GRM5: variants seen among roughly 807,000 people sequenced by gnomAD.
GRM5 encodes the protein glutamate metabotropic receptor 5.
A neutral mutation model predicts 83.1 loss-of-function variants in GRM5; 19 were observed. That is an observed-to-expected ratio of 0.23 (90% CI 0.16 to 0.34). GRM5 has a LOEUF of 0.34. GRM5 is among the 10% of genes least tolerant of loss of function. GRM5 has a pLI of 1.00. For missense variants in GRM5, 1,160 were observed against 1,588.3 expected, an observed-to-expected ratio of 0.73 and a Z score of 4.58; for synonymous variants, 675 against 633.6, an observed-to-expected ratio of 1.07 and a Z score of -0.98.
intron 3 of GRM5, among the ~76,000 whole-genome samples, chr11:88,739,507 T>C (rs907705146): frequency 6.6e-6 from 1 of 152,104 alleles, no homozygotes; most frequent in African/African-American, 2.4e-5. Flanking sequence ...TGAAGAATAA[T>C]GGCTGATATG....
chr11:88,779,556 G>C (rs1942932432), intron 3 of GRM5, among the ~76,000 whole-genome samples: 1 of 151,996 alleles, frequency 6.6e-6, no homozygotes, highest in African/African-American at 2.4e-5. Context: ...TGCTCTTTCA[G>C]AAACAAGAGG....
chr11:88,516,659 C>T (rs1341938242), intron 9 of GRM5, among the ~76,000 whole-genome samples: 3 of 151,950 alleles, frequency 2.0e-5, no homozygotes, highest in Admixed American at 6.6e-5. Context: ...TGCAGATTCA[C>T]CACCAATATG....
chr11:88,631,253 C>A (rs894648430), intron 4 of GRM5, among the ~76,000 whole-genome samples: 1 of 152,076 alleles, frequency 6.6e-6, no homozygotes, highest in Non-Finnish European at 1.5e-5. Flanking sequence ...ACCAAAACAC[C>A]TACATGCATA....
intron 3 of GRM5, among the ~76,000 whole-genome samples, chr11:88,742,793 C>G (rs1942055709): frequency 6.6e-6 from 1 of 152,008 alleles, no homozygotes; most frequent in African/African-American, 2.4e-5. Flanking sequence ...TTAACAAGCC[C>G]ATTTGGGAAT....
At chr11:88,713,441 T>C (rs1048994153) in intron 3 of GRM5, among the ~76,000 whole-genome samples, 2 of 152,166 alleles carry the variant, frequency 1.3e-5, no homozygotes, top group African/African-American at 2.4e-5. Context: ...TAATACATTG[T>C]ATGTCATGTA....
chr11:88,686,696 A>C (rs547524921), intron 3 of GRM5, among the ~76,000 whole-genome samples: 22 of 152,246 alleles, frequency 1.4e-4, no homozygotes, highest in African/African-American at 4.6e-4. Flanking sequence ...TAAGTCTCAC[A>C]AAATCTGATG....
chr11:88,608,478 A>G (rs1414118490), intron 4 of GRM5, among the ~76,000 whole-genome samples: 1 of 150,250 alleles, frequency 6.7e-6, no homozygotes, highest in African/African-American at 2.5e-5. Context: ...TGTCTCAAAC[A>G]CCACTCACTA....
chr11:88,984,675 A>G, intron 2 of GRM5: 1 of 536,296 alleles, frequency 1.9e-6, no homozygotes, highest in South Asian at 2.9e-5. Context: ...TAAGACCTAT[A>G]TATTTTTAAT....
At chr11:88,743,633 A>T (rs1004483775) in intron 3 of GRM5, among the ~76,000 whole-genome samples, 1 of 152,068 alleles carries the variant, frequency 6.6e-6, no homozygotes, top group African/African-American at 2.4e-5. Context: ...CCAGTGAGAG[A>T]TATGATTACA....
chr11:88,939,398 C>T (rs1938009573), intron 2 of GRM5, among the ~76,000 whole-genome samples: 1 of 151,728 alleles, frequency 6.6e-6, no homozygotes, highest in Admixed American at 6.6e-5. Flanking sequence ...CAACATTATC[C>T]TATCATGGCT....
chr11:88,975,345 A>G (rs1029905112), intron 2 of GRM5, among the ~76,000 whole-genome samples: 2 of 152,208 alleles, frequency 1.3e-5, no homozygotes, highest in Non-Finnish European at 2.9e-5. Context: ...TCAATATGCA[A>G]TTTACATTAA....
At chr11:88,647,393 A>C (rs1479265659) in intron 4 of GRM5, among the ~76,000 whole-genome samples, 3 of 151,994 alleles carry the variant, frequency 2.0e-5, no homozygotes, top group Non-Finnish European at 4.4e-5. Flanking sequence ...CCTTTTGGTT[A>C]TTAAGATGAC....
intron 3 of GRM5, among the ~76,000 whole-genome samples, chr11:88,666,574 G>T (rs7943357): frequency 0.56 from 85,360 of 152,100 alleles, 27,621 homozygotes; most frequent in South Asian, 0.81. Context: ...CAACATCACA[G>T]GGGGGATCAA....
chr11:88,934,148 A>T (rs979878499), intron 2 of GRM5, among the ~76,000 whole-genome samples: 2 of 151,818 alleles, frequency 1.3e-5, no homozygotes, highest in African/African-American at 4.8e-5. Context: ...GATAAGTCAC[A>T]ATCATCAAAA....
chr11:89,061,386 C>T (rs777412531), intron 1 of GRM5, among the ~76,000 whole-genome samples: 7 of 151,968 alleles, frequency 4.6e-5, no homozygotes, highest in African/African-American at 7.3e-5. Flanking sequence ...TTTCTCTAAC[C>T]AAAATGATCA....
At chr11:88,722,914 A>C (rs1278919760) in intron 3 of GRM5, among the ~76,000 whole-genome samples, 2 of 152,062 alleles carry the variant, frequency 1.3e-5, no homozygotes, top group African/African-American at 4.8e-5. Flanking sequence ...TGTGTTGTAC[A>C]TGCTATGGCT....
chr11:89,012,099 G>A (rs967456465), intron 2 of GRM5, among the ~76,000 whole-genome samples: 15 of 152,148 alleles, frequency 9.9e-5, no homozygotes, highest in African/African-American at 3.4e-4. Context: ...GTGGGAAAAA[G>A]AGAGAATGGA....
chr11:88,701,791 T>G (rs1427987212), intron 3 of GRM5, among the ~76,000 whole-genome samples: 4 of 152,066 alleles, frequency 2.6e-5, no homozygotes, highest in Non-Finnish European at 5.9e-5. Context: ...TTCTAAAAAC[T>G]TGGAGTGAGA....
At chr11:88,633,031 T>G (rs1321362417) in intron 4 of GRM5, among the ~76,000 whole-genome samples, 1 of 152,208 alleles carries the variant, frequency 6.6e-6, no homozygotes, top group South Asian at 2.1e-4. Context: ...ATGTTTTGAA[T>G]AGTCATTTTA....
Sources: allele counts gnomAD v4.1 joint callset (sites outside exome capture counted in the v4.1 genomes callset), GRCh38; gene constraint gnomAD v4.1.1; transcripts MANE v1.5; gene names NCBI Gene and HGNC (gene_info 2026-07-23, HGNC 2026-07-21).